CPNE4: variants seen among roughly 807,000 people sequenced by gnomAD.
CPNE4 encodes the protein copine-4.
Under a neutral mutation model 67.9 loss-of-function variants are expected in CPNE4, and 25 were observed. That is an observed-to-expected ratio of 0.37 (90% CI 0.27 to 0.51). The LOEUF is 0.51. Ranked by LOEUF, CPNE4 falls within the 20% of genes least tolerant of loss-of-function variation. The pLI, the probability that CPNE4 is intolerant of heterozygous loss-of-function variation, is 0.93. For synonymous variants in CPNE4, 242 were observed against 244.9 expected, an observed-to-expected ratio of 0.99 and a Z score of 0.11; for missense variants, 464 against 690.8, an observed-to-expected ratio of 0.67 and a Z score of 3.68.
intron 2 of CPNE4, among the ~76,000 whole-genome samples, chr3:131,799,859 T>C (rs879674298): frequency 1.3e-5 from 2 of 152,056 alleles, no homozygotes; most frequent in Non-Finnish European, 2.9e-5. Context: ...CAGTCTTTAG[T>C]TTCCGAGATC....
At chr3:131,755,934 C>T (rs1398991791) in intron 2 of CPNE4, among the ~76,000 whole-genome samples, 1 of 152,062 alleles carries the variant, frequency 6.6e-6, no homozygotes, top group Non-Finnish European at 1.5e-5. Context: ...TGACTGTGTT[C>T]TTCCATAAAG....
At chr3:132,031,644 C>T (rs976545787) in intron 1 of CPNE4, among the ~76,000 whole-genome samples, 1 of 152,166 alleles carries the variant, frequency 6.6e-6, no homozygotes, top group African/African-American at 2.4e-5. Flanking sequence ...AAGATCCTTT[C>T]TTTATGTGGA....
intron 2 of CPNE4, among the ~76,000 whole-genome samples, chr3:131,783,905 C>T (rs1352729928): frequency 5.3e-5 from 8 of 152,100 alleles, no homozygotes; most frequent in African/African-American, 7.2e-5. Context: ...CAGGGAACAA[C>T]AGAAGTCAGA....
At chr3:132,013,889 G>A (rs1156871967) in intron 1 of CPNE4, among the ~76,000 whole-genome samples, 3 of 152,156 alleles carry the variant, frequency 2.0e-5, no homozygotes, top group East Asian at 1.9e-4. Context: ...CCCAGCCCTA[G>A]AGCCTGTGGT....
intron 2 of CPNE4, among the ~76,000 whole-genome samples, chr3:131,727,162 C>T (rs1451665485): frequency 6.6e-6 from 1 of 152,232 alleles, no homozygotes; most frequent in Admixed American, 6.5e-5. Flanking sequence ...CACTTGAACT[C>T]ATGCCTTCTG....
At chr3:131,608,412 G>A (rs1359800778) in intron 7 of CPNE4, among the ~76,000 whole-genome samples, 1 of 152,122 alleles carries the variant, frequency 6.6e-6, no homozygotes, top group African/African-American at 2.4e-5. Context: ...GAATTGAGTG[G>A]GGAAGCTGAG....
intron 1 of CPNE4, among the ~76,000 whole-genome samples, chr3:131,971,226 G>A (rs2072493039): frequency 6.6e-6 from 1 of 152,272 alleles, no homozygotes; most frequent in African/African-American, 2.4e-5. Context: ...GTGGGTCAAA[G>A]GTTAAAGTTC....
intron 1 of CPNE4, among the ~76,000 whole-genome samples, chr3:131,971,627 A>G (rs1468552705): frequency 6.6e-6 from 1 of 152,170 alleles, no homozygotes; most frequent in Non-Finnish European, 1.5e-5. Flanking sequence ...TTGGCCCTTC[A>G]GTTGCACTCT....
chr3:131,632,905 C>T (rs1479052481), intron 7 of CPNE4, among the ~76,000 whole-genome samples: 2 of 152,112 alleles, frequency 1.3e-5, no homozygotes, highest in African/African-American at 4.8e-5. Context: ...TAGCACTTGC[C>T]CCAAGCACCC....
At chr3:131,536,646 A>AAG (rs1181139333) in intron 15 of CPNE4, among the ~76,000 whole-genome samples, 2 of 152,262 alleles carry the variant, frequency 1.3e-5, no homozygotes, top group Non-Finnish European at 2.9e-5. Flanking sequence ...GTCTCAAAAT[A>AAG]AGAGACATGT....
At chr3:131,693,683 C>A (rs1211714838) in intron 5 of CPNE4, among the ~76,000 whole-genome samples, 4 of 152,136 alleles carry the variant, frequency 2.6e-5, no homozygotes, top group Non-Finnish European at 4.4e-5. Context: ...GGTTCCCCTG[C>A]AAAGGTATTG....
At chr3:131,988,931 T>C (rs751928174) in intron 1 of CPNE4, among the ~76,000 whole-genome samples, 16 of 152,342 alleles carry the variant, frequency 1.1e-4, no homozygotes, top group Non-Finnish European at 1.9e-4. Flanking sequence ...AGCTCAAAAG[T>C]TAAATACAAA....
chr3:131,673,407 C>G (rs1156511063), intron 6 of CPNE4, among the ~76,000 whole-genome samples: 1 of 151,994 alleles, frequency 6.6e-6, no homozygotes, highest in Non-Finnish European at 1.5e-5. Context: ...TGCATTGAAT[C>G]TGTAGATTGC....
intron 2 of CPNE4, among the ~76,000 whole-genome samples, chr3:131,779,465 G>A (rs934235665): frequency 5.3e-5 from 8 of 151,956 alleles, no homozygotes; most frequent in African/African-American, 1.7e-4. Flanking sequence ...AAATGGCATG[G>A]TACTCGTAGA....
chr3:132,014,557 T>G (rs1161014192), intron 1 of CPNE4, among the ~76,000 whole-genome samples: 1 of 152,164 alleles, frequency 6.6e-6, no homozygotes, highest in African/African-American at 2.4e-5. Context: ...TTTTACTTTT[T>G]CTTTCTTTTT....
chr3:131,569,183 T>C (rs1394722883), intron 10 of CPNE4, among the ~76,000 whole-genome samples: 1 of 151,984 alleles, frequency 6.6e-6, no homozygotes, highest in Non-Finnish European at 1.5e-5. Context: ...TGGCTTTGCA[T>C]AGGAATTCAG....
At chr3:132,033,157 G>C (rs2074272479) in intron 1 of CPNE4, among the ~76,000 whole-genome samples, 1 of 152,254 alleles carries the variant, frequency 6.6e-6, no homozygotes, top group Non-Finnish European at 1.5e-5. Context: ...GCGCGCGAAT[G>C]AGCAGGATTT....
intron 3 of CPNE4, among the ~76,000 whole-genome samples, chr3:131,708,845 A>G (rs1470665437): frequency 6.6e-6 from 1 of 151,526 alleles, no homozygotes; most frequent in East Asian, 1.9e-4. Context: ...AAGTTGCTAC[A>G]GTTTTTCTTT....
chr3:131,895,764 C>T, intron 2 of CPNE4, among the ~76,000 whole-genome samples: 1 of 152,046 alleles, frequency 6.6e-6, no homozygotes, highest in South Asian at 2.1e-4. Context: ...AATTGCAGTA[C>T]CTCTGAAGTA....
Sources: gnomAD v4.1 joint callset for allele counts (sites outside exome capture counted in the v4.1 genomes callset) on GRCh38, gnomAD v4.1.1 for gene constraint, MANE v1.5 for transcripts, NCBI Gene and HGNC (gene_info 2026-07-23, HGNC 2026-07-21) for gene names.